The following RCC1L variants were observed in gnomAD, a reference collection of about 807,000 sequenced individuals.
RCC1L encodes the protein RCC1 like, also known as RCC1-like G exchanging factor-like protein.
Under a neutral mutation model 58.6 loss-of-function variants are expected in RCC1L, and 46 were observed. The observed-to-expected ratio is 0.79, with a 90% CI of 0.62 to 1.00. RCC1L has a LOEUF of 1.00. Among genes scored for constraint, RCC1L ranks in the 50% least tolerant of loss-of-function variants. The probability of loss-of-function intolerance (pLI) is 0.00; values close to 1 mark genes in which losing one functional copy is unlikely to be tolerated. For synonymous variants in RCC1L, 281 were observed against 262.9 expected (o/e 1.07, Z -0.67); for missense variants, 636 against 623.6 (o/e 1.02, Z -0.21).
At chr7:75,056,152 C>T in intron 8 of RCC1L, 78 bp from the exon 9 acceptor site, 1 of 1,548,730 alleles carries the variant, frequency 6.5e-7, no homozygotes. Context: ...AACTACACCA[C>T]CAAGGTTTAT....
intron 10 of RCC1L, among the ~76,000 whole-genome samples, chr7:75,045,459 T>A (rs911200232): frequency 5.7e-4 from 86 of 151,942 alleles, no homozygotes; most frequent in African/African-American, 2.0e-3. Context: ...GGATTCCAGG[T>A]GTGATCCCCA....
At chr7:75,041,184 A>C (rs1429834238), downstream of RCC1L, among the ~76,000 whole-genome samples, 5 of 151,712 alleles carry the variant, frequency 3.3e-5, no homozygotes, top group Non-Finnish European at 7.4e-5. Context: ...ACTGCACTCC[A>C]GCCTGGGCGA....
chr7:75,030,091 C>T (rs1805258544), intron 10 of RCC1L, among the ~76,000 whole-genome samples: 1 of 152,242 alleles, frequency 6.6e-6, no homozygotes, highest in African/African-American at 2.4e-5. Context: ...CATCCAGGGA[C>T]AGCCTGGTGG....
At position 75,061,233 on chromosome 7, in the gene RCC1L, C is replaced by T; in HGVS notation, c.761G>A (p.Cys254Tyr). ...FLTDKGEVYS[C>Y]GWGADGQTGL... ...TGTTTGCCCATCAGCACCCCATCCA[C>T]AAGAATAGACTTCTCCTTTATCCGT... Residue 254 changes from cysteine to tyrosine, a missense_variant, in exon 6 of 11, where the codon TGT (cysteine) becomes TAT (tyrosine). By Grantham distance (194) the Cys-to-Tyr change is radical (BLOSUM62 -2). Coordinates refer to ENST00000610322, the MANE Select transcript of RCC1L (RefSeq NM_030798.5). 1 of 1,613,840 alleles carries T rather than the reference C, an allele frequency of 6.2e-7. No individual in the cohort carries two copies. The highest frequency in any genetic ancestry group is 8.5e-7 in the Non-Finnish European group (1 of 1,179,816).
At chr7:75,053,707 C>A (rs1805990020) in intron 9 of RCC1L, among the ~76,000 whole-genome samples, 3 of 152,192 alleles carry the variant, frequency 2.0e-5, no homozygotes, top group Non-Finnish European at 2.9e-5. Flanking sequence ...CCAGCTGGGG[C>A]ACTCCTGGGC....
At chr7:75,043,911 C>G (rs1371661784) in intron 10 of RCC1L, among the ~76,000 whole-genome samples, 1 of 152,166 alleles carries the variant, frequency 6.6e-6, no homozygotes. Context: ...TACCCGTCAC[C>G]CCCAGCTCCA....
Position 75,073,479 on chromosome 7 carries a change from G to C in RCC1L, c.259C>G (p.Arg87Gly). The change falls in exon 1 of 11, where the codon CGC becomes GGC. Residue 87 changes from arginine to glycine, a missense_variant. Coordinates refer to ENST00000610322, the MANE Select transcript of RCC1L (RefSeq NM_030798.5). The stretch of plus-strand genomic sequence containing the variant: ...CTGCGGCGCGGTCGGGCGCCGGCGC[G>C]GGGCCCGGGCCCGGAGCTGGGCACC... The part of the protein sequence containing the change: ...FVVPSSGPGP[R>G]AGARPRRRIQ... 1 of 1,382,866 alleles carries C rather than the reference G, an allele frequency of 7.2e-7. No homozygotes were observed. The highest frequency in any genetic ancestry group is 9.3e-7 in the Non-Finnish European group (1 of 1,073,504). 85.7% of individuals were successfully genotyped at this position (1,382,866 alleles called of 1,614,324 possible). A position where few individuals can be genotyped will look rare whatever the true frequency, so the allele number is the denominator to read the frequency against.
At chr7:75,043,152 C>A in intron 10 of RCC1L, 43 bp from the exon 11 acceptor site, 2 of 1,611,306 alleles carry the variant, frequency 1.2e-6, no homozygotes, top group Admixed American at 3.3e-5. Flanking sequence ...GGGTGGCGCA[C>A]CCGGAGGAGA....
Position 75,042,441 on chromosome 7 carries a change from C to T in RCC1L, c.*591G>A. ...CAGTGAGCGTGGTGGGAGGCTGGGG[C>T]TGGTGCCTGCGGACAGCTCCAGATG... On this transcript the variant is annotated 3_prime_UTR_variant, in exon 11 of 11. Transcript: ENST00000610322. The T allele has an allele frequency of 2.0e-6, 2 of 986,710 alleles. No individual in the cohort carries two copies. Among genetic ancestry groups the T allele is most frequent in the Non-Finnish European group, 2.4e-6 (2 of 830,790 alleles). 61.1% of individuals were successfully genotyped at this position (986,710 alleles called of 1,614,324 possible).
intron 8 of RCC1L, chr7:75,056,493 T>G: frequency 6.8e-7 from 1 of 1,481,366 alleles, no homozygotes. Context: ...GCCAGATTCT[T>G]AAAACTCTTA....
At chr7:75,037,044 G>A (rs1805444650) in intron 10 of RCC1L, among the ~76,000 whole-genome samples, 1 of 152,168 alleles carries the variant, frequency 6.6e-6, no homozygotes, top group African/African-American at 2.4e-5. Flanking sequence ...CGACTGGCGT[G>A]ACTTCATGTG....
At chr7:75,052,304 G>A (rs1175295746) in intron 10 of RCC1L, among the ~76,000 whole-genome samples, 1 of 152,126 alleles carries the variant, frequency 6.6e-6, no homozygotes, top group East Asian at 1.9e-4. Flanking sequence ...GGAGCCTCAT[G>A]GCACCCTACC....
downstream of RCC1L, among the ~76,000 whole-genome samples, chr7:75,041,863 C>CAA (rs1201913828): frequency 9.3e-4 from 60 of 64,468 alleles, no homozygotes; most frequent in African/African-American, 1.9e-3. Context: ...GACTCTGTCT[C>CAA]AAAAAAAAAA....
intron 1 of RCC1L, 68 bp from the exon 2 acceptor site, chr7:75,070,837 GGTTA>G: frequency 5.1e-6 from 8 of 1,579,014 alleles, no homozygotes; most frequent in Non-Finnish European, 6.9e-6. Context: ...GTAAATGACA[GGTTA>G]TTTATCAAAT....
intron 9 of RCC1L, among the ~76,000 whole-genome samples, chr7:75,055,325 C>T (rs990532221): frequency 1.6e-3 from 242 of 152,186 alleles, no homozygotes; most frequent in African/African-American, 5.4e-3. Context: ...GCAGGGTAAG[C>T]GGATATTCTG....
At chr7:75,069,578 G>A (rs1407308128) in intron 2 of RCC1L, among the ~76,000 whole-genome samples, 1 of 151,574 alleles carries the variant, frequency 6.6e-6, no homozygotes, top group Non-Finnish European at 1.5e-5. Flanking sequence ...TTGTTTGTTT[G>A]TTTAGGACAG....
chr7:75,045,052 G>C (rs376467775), intron 10 of RCC1L, among the ~76,000 whole-genome samples: 81,885 of 152,058 alleles, frequency 0.54, 23,749 homozygotes, highest in East Asian at 0.89. Context: ...GTCTCACTTT[G>C]TTGCCCAGGC....
chr7:75,047,856 A>T (rs1270097678), intron 10 of RCC1L, among the ~76,000 whole-genome samples: 1 of 148,038 alleles, frequency 6.8e-6, no homozygotes, highest in African/African-American at 2.5e-5. Flanking sequence ...CATGTTGGTC[A>T]GGCTGGTATC....
In RCC1L at chr7:75,061,255, C is replaced by G; in HGVS notation, c.739G>C (p.Asp247His). Residue 247 changes from aspartate (D) to histidine (H), a missense_variant, in exon 6 of 11, where the codon GAT becomes CAT. Coordinates refer to ENST00000610322, the MANE Select transcript of RCC1L (RefSeq NM_030798.5). Reference protein sequence around the residue: ...CGQDHSLFLTDKGEVYSCGWG... With the variant: ...CGQDHSLFLTHKGEVYSCGWG... The stretch of plus-strand genomic sequence containing the variant: ...CCACAAGAATAGACTTCTCCTTTAT[C>G]CGTCAGGAACAGACTATGATCCTGA... 1 of 1,613,836 alleles carries G rather than the reference C, an allele frequency of 6.2e-7. No homozygotes were observed. Among genetic ancestry groups the G allele is most frequent in the Non-Finnish European group, 8.5e-7 (1 of 1,179,822 alleles).
Sources: allele counts gnomAD v4.1 joint callset (sites outside exome capture counted in the v4.1 genomes callset), GRCh38; gene constraint gnomAD v4.1.1; transcripts MANE v1.5; gene names NCBI Gene and HGNC (gene_info 2026-07-23, HGNC 2026-07-21).